The following SORCS1 variants were observed in gnomAD, a reference collection of about 807,000 sequenced individuals.
SORCS1 encodes the protein VPS10 domain-containing receptor SorCS1.
SORCS1 carries 60 observed loss-of-function variants against 146.1 expected under a neutral mutation model. The observed-to-expected ratio is 0.41, with a 90% CI of 0.33 to 0.51. SORCS1 has a LOEUF of 0.51. Among genes scored for constraint, SORCS1 ranks in the 20% least tolerant of loss-of-function variants. The pLI, the probability that SORCS1 is intolerant of heterozygous loss-of-function variation, is 0.21. For synonymous variants in SORCS1, 637 were observed against 584.0 expected (o/e 1.09, Z -1.31); for missense variants, 1,352 against 1,487.6 (o/e 0.91, Z 1.50).
chr10:106,686,625 T>C (rs1852864749), intron 10 of SORCS1, among the ~76,000 whole-genome samples: 1 of 152,236 alleles, frequency 6.6e-6, no homozygotes, highest in Non-Finnish European at 1.5e-5. Flanking sequence ...TTACTTACTC[T>C]GTCACTGGCA....
intron 1 of SORCS1, among the ~76,000 whole-genome samples, chr10:107,135,440 C>T (rs1487462720): frequency 6.6e-6 from 1 of 152,126 alleles, no homozygotes; most frequent in Non-Finnish European, 1.5e-5. Flanking sequence ...TTCCCCTCAA[C>T]AAAGAAAAAA....
At chr10:106,848,316 A>G (rs1434295113) in intron 2 of SORCS1, among the ~76,000 whole-genome samples, 19 of 42,656 alleles carry the variant, frequency 4.5e-4, no homozygotes, top group African/African-American at 8.1e-4. Context: ...CTCTTGTTGA[A>G]TTGATCCCTT....
At chr10:106,931,725 G>A (rs183561377) in intron 2 of SORCS1, among the ~76,000 whole-genome samples, 2 of 152,258 alleles carry the variant, frequency 1.3e-5, no homozygotes, top group Non-Finnish European at 2.9e-5. Flanking sequence ...GGTTGTGTAT[G>A]TCAGCACTCT....
intron 2 of SORCS1, among the ~76,000 whole-genome samples, chr10:106,837,450 T>C (rs1314719679): frequency 1.3e-5 from 2 of 152,028 alleles, no homozygotes; most frequent in Admixed American, 6.6e-5. Context: ...ATGAGCTATG[T>C]TCCCACTTCT....
intron 18 of SORCS1, among the ~76,000 whole-genome samples, chr10:106,632,861 C>T (rs75741345): frequency 6.6e-6 from 1 of 152,158 alleles, no homozygotes; most frequent in Non-Finnish European, 1.5e-5. Context: ...GAAGTGATAT[C>T]TGAGCTCAGA....
chr10:107,025,058 G>A (rs1167739111), intron 1 of SORCS1, among the ~76,000 whole-genome samples: 2 of 152,144 alleles, frequency 1.3e-5, no homozygotes, highest in African/African-American at 4.8e-5. Flanking sequence ...AACACAGTGT[G>A]TTACCAGTAA....
chr10:106,678,315 A>G (rs1471995955), intron 12 of SORCS1, among the ~76,000 whole-genome samples: 1 of 152,196 alleles, frequency 6.6e-6, no homozygotes, highest in Admixed American at 6.5e-5. Flanking sequence ...AGGTTTCTAC[A>G]TACCTCCAAG....
chr10:106,648,849 G>T (rs761925254), intron 18 of SORCS1, among the ~76,000 whole-genome samples: 6 of 151,954 alleles, frequency 3.9e-5, no homozygotes, highest in Non-Finnish European at 5.9e-5. Flanking sequence ...ACCCTAGCCT[G>T]CCCTGCCCCC....
intron 5 of SORCS1, among the ~76,000 whole-genome samples, chr10:106,753,801 T>C (rs1176706814): frequency 6.6e-6 from 1 of 152,100 alleles, no homozygotes; most frequent in East Asian, 1.9e-4. Context: ...AGCCAGACTT[T>C]ATTGGTCCAT....
the SORCS1 span, among the ~76,000 whole-genome samples, chr10:107,180,052 G>A: frequency 2.0e-5 from 3 of 151,492 alleles, no homozygotes; most frequent in Non-Finnish European, 4.4e-5. Context: ...GAGTAGCTGG[G>A]ACTACAGATG....
intron 1 of SORCS1, among the ~76,000 whole-genome samples, chr10:107,105,403 G>A (rs1965237005): frequency 2.6e-5 from 4 of 152,320 alleles, no homozygotes; most frequent in Middle Eastern, 3.4e-3. Flanking sequence ...TGACTCACAC[G>A]ATCATAAGGT....
At chr10:107,031,241 C>T (rs1393161167) in intron 1 of SORCS1, among the ~76,000 whole-genome samples, 1 of 152,158 alleles carries the variant, frequency 6.6e-6, no homozygotes, top group Non-Finnish European at 1.5e-5. Context: ...ATAGTTTCTT[C>T]TTTCATTTAT....
intron 1 of SORCS1, among the ~76,000 whole-genome samples, chr10:107,159,509 C>T (rs1490420433): frequency 1.3e-5 from 2 of 152,072 alleles, no homozygotes; most frequent in African/African-American, 4.8e-5. Flanking sequence ...GAGTAAGTAG[C>T]ATTTATTGAG....
At chr10:107,048,032 G>A (rs1412607050) in intron 1 of SORCS1, among the ~76,000 whole-genome samples, 2 of 151,984 alleles carry the variant, frequency 1.3e-5, no homozygotes, top group African/African-American at 4.8e-5. Flanking sequence ...GCAGTGAGCC[G>A]AGCTGCAATC....
intron 18 of SORCS1, among the ~76,000 whole-genome samples, chr10:106,636,925 G>C (rs1473760210): frequency 6.6e-6 from 1 of 152,202 alleles, no homozygotes; most frequent in Admixed American, 6.5e-5. Context: ...TGAATTCACT[G>C]ATGTGTGAAA....
chr10:106,740,793 A>G (rs1166305220), intron 5 of SORCS1, among the ~76,000 whole-genome samples: 1 of 152,226 alleles, frequency 6.6e-6, no homozygotes, highest in Admixed American at 6.5e-5. Context: ...AAATTCATAC[A>G]TGACACAAAT....
At chr10:107,011,745 AAC>A (rs1444361808) in intron 1 of SORCS1, among the ~76,000 whole-genome samples, 1 of 152,102 alleles carries the variant, frequency 6.6e-6, no homozygotes, top group Non-Finnish European at 1.5e-5. Context: ...AACCTCCCCA[AAC>A]ACCAAAAGCC....
chr10:106,976,333 G>GTTTTTTTTTGTTTTTTTTT (rs1554901319), intron 1 of SORCS1, among the ~76,000 whole-genome samples: 6 of 113,814 alleles, frequency 5.3e-5, no homozygotes, highest in African/African-American at 7.9e-5. Context: ...AGGTTTTTTT[G>GTTTTTTTTTGTTTTTTTTT]TTTTTTTTTT....
intron 5 of SORCS1, among the ~76,000 whole-genome samples, chr10:106,739,466 CAG>C (rs529283891): frequency 4.2e-5 from 6 of 143,402 alleles, no homozygotes; most frequent in Non-Finnish European, 4.5e-5. Context: ...GTCTGGGTGA[CAG>C]AGAGAGAGAG....
Sources: allele counts gnomAD v4.1 joint callset (sites outside exome capture counted in the v4.1 genomes callset), GRCh38; gene constraint gnomAD v4.1.1; transcripts MANE v1.5; gene names NCBI Gene and HGNC (gene_info 2026-07-23, HGNC 2026-07-21).